Variants in KREMEN1 observed in about 807,000 individuals in gnomAD.
The protein encoded by KREMEN1 is kremen protein 1.
KREMEN1 carries 30 observed loss-of-function variants against 46.5 expected under a neutral mutation model. The observed-to-expected ratio is 0.65, with a 90% CI of 0.48 to 0.88. The LOEUF (loss-of-function observed/expected upper bound fraction) is 0.88, where lower values mean the gene tolerates loss of function less well. Ranked by LOEUF, KREMEN1 falls within the 40% of genes least tolerant of loss-of-function variation. The probability of loss-of-function intolerance (pLI) is 0.00; values close to 1 mark genes in which losing one functional copy is unlikely to be tolerated. For synonymous variants in KREMEN1, 214 were observed against 230.6 expected, an observed-to-expected ratio of 0.93 and a Z score of 0.65; for missense variants, 533 against 596.9, an observed-to-expected ratio of 0.89 and a Z score of 1.11.
intron 3 of KREMEN1, among the ~76,000 whole-genome samples, chr22:29,110,600 C>T (rs1001072627): frequency 8.5e-5 from 13 of 152,172 alleles, no homozygotes; most frequent in Non-Finnish European, 1.6e-4. Flanking sequence ...ACTACCTCCC[C>T]CTAAGGGCAG....
rs748122732 is a variant in KREMEN1 at position 29,137,410 on chromosome 22, G to A, written c.700G>A (p.Asp234Asn). 1.4e-5 allele frequency: 22 copies of A among 1,574,046 alleles called. No homozygotes were observed. The highest frequency in any genetic ancestry group is 9.1e-5 in the East Asian group (4 of 43,958). The change falls in exon 6 of 9, where the codon GAC (aspartate) becomes AAC (asparagine). Residue 234 changes from aspartate (D) to asparagine (N), a missense_variant. By Grantham distance (23) the Asp-to-Asn change is conservative. Transcript: ENST00000400335. ...TGTGGTCTATTCCCCTGACTTCCCC[G>A]ACACCTATGCCACGGGGAGGGTCTG... ...SSVVYSPDFP[D>N]TYATGRVCYW... is the part of the protein sequence containing the mutation.
chr22:29,076,336 C>T (rs1413761830), intron 1 of KREMEN1, among the ~76,000 whole-genome samples: 3 of 152,154 alleles, frequency 2.0e-5, no homozygotes, highest in African/African-American at 4.8e-5. Context: ...CAGTTAACAG[C>T]TAGAGCTTCA....
At chr22:29,167,350 C>A in exon 10 of KREMEN1, 1 of 529,294 alleles carries the variant, frequency 1.9e-6, no homozygotes, top group Non-Finnish European at 3.4e-6. Context: ...CAGAGCGGGA[C>A]CTCGTCTCTA....
At position 29,073,042 on chromosome 22, in the gene KREMEN1, C is replaced by T. The variant is rs1213909764; in HGVS notation, c.-89C>T. The stretch of plus-strand genomic sequence containing the variant: ...CGGCCGGGGCGGGGCTACACTCGGG[C>T]CCCGCGTCCTGCTCCCATGGCCGCC... On this transcript the variant is annotated 5_prime_UTR_variant, in exon 1 of 9. Transcript: ENST00000400335. This position sits in a 1 kb window ranked among gnomAD's most constrained non-coding sequence, Gnocchi z 4.4. 2 of 219,266 alleles carry T rather than the reference C, an allele frequency of 9.1e-6. No homozygotes were observed. Among genetic ancestry groups the T allele is most frequent in the Non-Finnish European group, 1.5e-5 (2 of 131,096 alleles). 13.6% of individuals were successfully genotyped at this position (219,266 alleles called of 1,614,324 possible).
chr22:29,143,617 C>T lies in KREMEN1; in HGVS notation c.*1505C>T, dbSNP rs2038805244. ...ATTAGCTGGGTGTGGTGGTGGGCGC[C>T]TGTAGTCCCAGCTGCTCGGGAGGCT... On this transcript the variant is annotated 3_prime_UTR_variant, in exon 9 of 9. Transcript: ENST00000400335. The T allele has an allele frequency of 1.1e-5, 7 of 636,036 alleles. No individual in the cohort carries two copies. The highest frequency in any genetic ancestry group is 1.2e-5 in the Non-Finnish European group (6 of 511,118). 39.4% of individuals were successfully genotyped at this position (636,036 alleles called of 1,614,324 possible).
rs202193982 is a variant in KREMEN1, at chr22:29,129,819, G to GCT, written c.631+4405_631+4406dup. On this transcript the variant is annotated intron_variant, in intron 5 of 8. Coordinates refer to ENST00000400335, the MANE Select transcript of KREMEN1 (RefSeq NM_001039570.3). ...GACTCTCTGGCTGATTTTTCAGCAA[G>GCT]CTCATGGACTTGGAGAGGTCACAGA... Among the ~76,000 whole-genome samples the GCT allele has an allele frequency of 8.9e-3, 1,360 of 152,346 alleles. 14 individuals carry two copies. Among genetic ancestry groups the GCT allele is most frequent in the African/African-American group, 0.031 (1,297 of 41,574 alleles).
intron 9 of KREMEN1, among the ~76,000 whole-genome samples, chr22:29,165,770 A>G (rs2039048063): frequency 6.6e-6 from 1 of 152,146 alleles, no homozygotes; most frequent in African/African-American, 2.4e-5. Flanking sequence ...CCCGAACCCC[A>G]TTCAACGCTG....
intron 1 of KREMEN1, 94 bp from the exon 2 acceptor site, chr22:29,094,164 G>C (rs2037842007): frequency 9.6e-7 from 1 of 1,040,874 alleles, no homozygotes. Context: ...TCCATTTCCA[G>C]CTTGGTCCAA....
intron 5 of KREMEN1, among the ~76,000 whole-genome samples, chr22:29,131,523 C>CATATATATATATATATAT (rs148738725): frequency 1.7e-4 from 16 of 93,730 alleles, no homozygotes; most frequent in African/African-American, 1.0e-3. Flanking sequence ...GTATTCTGTT[C>CATATATATATATATATAT]ATATATATAT....
At chr22:29,136,523 C>G (rs929911236) in intron 5 of KREMEN1, among the ~76,000 whole-genome samples, 1 of 149,680 alleles carries the variant, frequency 6.7e-6, no homozygotes, top group Non-Finnish European at 1.5e-5. Flanking sequence ...TGCAGTGAGC[C>G]GAGATCACAC....
intron 3 of KREMEN1, among the ~76,000 whole-genome samples, chr22:29,100,393 C>T (rs997107458): frequency 1.3e-5 from 2 of 152,066 alleles, no homozygotes; most frequent in Admixed American, 6.5e-5. Flanking sequence ...GGATTACAGG[C>T]GTGGACTAGT....
intron 1 of KREMEN1, among the ~76,000 whole-genome samples, chr22:29,078,800 G>A (rs949075033): frequency 6.6e-6 from 1 of 152,214 alleles, no homozygotes; most frequent in African/African-American, 2.4e-5. Flanking sequence ...GGAAGTGAAT[G>A]TGTCCCTTAG....
intron 3 of KREMEN1, among the ~76,000 whole-genome samples, chr22:29,105,841 A>G (rs1433286321): frequency 6.6e-6 from 1 of 152,192 alleles, no homozygotes; most frequent in Non-Finnish European, 1.5e-5. Flanking sequence ...CTTCTGCAAT[A>G]CGTGTGGAAC....
In KREMEN1 at chr22:29,144,480, G is replaced by T; in HGVS notation, c.*2368G>T. ...CTGCTCGGTGCAGCCTTCATGCTTT[G>T]ATCTGGAAAGAGCAGCTGTCCGCAG... On this transcript the variant is annotated 3_prime_UTR_variant, in exon 9 of 9. Transcript: ENST00000400335. 1 of 985,494 alleles carries T rather than the reference G, an allele frequency of 1.0e-6. No individual in the cohort carries two copies. The highest frequency in any genetic ancestry group is 1.2e-6 in the Non-Finnish European group (1 of 829,974). The allele number at this position is 985,494 out of a possible 1,614,324, so 61.0% of individuals were successfully genotyped here.
At chr22:29,097,537 C>A (rs2037899963) in intron 2 of KREMEN1, among the ~76,000 whole-genome samples, 1 of 152,154 alleles carries the variant, frequency 6.6e-6, no homozygotes, top group Non-Finnish European at 1.5e-5. Context: ...GGAATAGCAC[C>A]CATTTCTAGC....
Position 29,144,680 on chromosome 22 carries a change from G to A in KREMEN1, c.*2568G>A. 1 of 985,542 alleles carries A rather than the reference G, an allele frequency of 1.0e-6. No homozygotes were observed. The highest frequency in any genetic ancestry group is 1.2e-6 in the Non-Finnish European group (1 of 829,966). The allele number at this position is 985,542 out of a possible 1,614,324, so 61.0% of individuals were successfully genotyped here. ...TGAATAGATCCATGTGCAGCACAAA[G>A]GGAATGTGGCACGTGGCCCCAGGAA... On this transcript the variant is annotated 3_prime_UTR_variant, in exon 9 of 9. Transcript: ENST00000400335.
Position 29,141,956 on chromosome 22 carries a change from T to A in KREMEN1, c.1221T>A (p.Val407=), listed in dbSNP as rs1326213574. ...ATCTGCTTGACAGATCCCATCGTGT[T>A]CCTGCTTCAGGGGACCTTAGGGATT... ...LLHVTFKSHR[V]PASGDLRDCH... The change falls in exon 9 of 9, where the codon GTT becomes GTA. Residue 407 remains valine (V), a synonymous_variant. Coordinates refer to ENST00000400335, the MANE Select transcript of KREMEN1 (RefSeq NM_001039570.3). 1 of 1,600,862 alleles carries A rather than the reference T, an allele frequency of 6.2e-7. No homozygotes were observed. The highest frequency in any genetic ancestry group is 1.4e-5 in the African/African-American group (1 of 73,932).
In KREMEN1 at chr22:29,125,251, C is replaced by T; in HGVS notation, c.478-12C>T. ...ATGATGCTTACCGTGTGCTGCTTCT[C>T]TGTTGTGGCAGTTTGCTGGGATGGA... On this transcript the variant is annotated splice_polypyrimidine_tract_variant and intron_variant, in intron 4 of 8. Transcript: ENST00000400335. 3.7e-6 allele frequency: 6 copies of T among 1,613,852 alleles called. No homozygotes were observed. Among genetic ancestry groups the T allele is most frequent in the Non-Finnish European group, 5.1e-6 (6 of 1,179,814 alleles).
intron 3 of KREMEN1, among the ~76,000 whole-genome samples, chr22:29,113,614 T>A (rs2038185856): frequency 6.6e-6 from 1 of 152,230 alleles, no homozygotes. Flanking sequence ...TTGATTCTCA[T>A]TCCGCTGTTG....
Sources: allele counts gnomAD v4.1 joint callset (sites outside exome capture counted in the v4.1 genomes callset), GRCh38; gene constraint gnomAD v4.1.1; non-coding constraint Gnocchi (gnomAD v3.1); transcripts MANE v1.5; gene names NCBI Gene and HGNC (gene_info 2026-07-23, HGNC 2026-07-21).